SYTL2: variants seen among roughly 807,000 people sequenced by gnomAD.
The protein encoded by SYTL2 is synaptotagmin-like protein 2.
Under a neutral mutation model 198.7 loss-of-function variants are expected in SYTL2, and 165 were observed. That is an observed-to-expected ratio of 0.83 (90% CI 0.73 to 0.94). The LOEUF is 0.94. Among genes scored for constraint, SYTL2 ranks in the 40% least tolerant of loss-of-function variants. SYTL2 has a pLI of 0.00. For synonymous variants in SYTL2, 966 were observed against 917.7 expected (o/e 1.05, Z -0.95); for missense variants, 2,835 against 2,582.8 (o/e 1.10, Z -2.12).
At chr11:85,718,872 AC>A in intron 9 of SYTL2, 29 bp from the exon 10 acceptor site, 1 of 1,611,466 alleles carries the variant, frequency 6.2e-7, no homozygotes, top group African/African-American at 1.3e-5. Flanking sequence ...CAAATGGTTA[AC>A]ATGGCTGACC....
the SYTL2 span, among the ~76,000 whole-genome samples, chr11:85,826,699 G>T: frequency 1.3e-5 from 2 of 152,228 alleles, no homozygotes; most frequent in Admixed American, 1.3e-4. Context: ...TTTAGGAGAA[G>T]TTGCTACCCA....
the SYTL2 span, among the ~76,000 whole-genome samples, chr11:85,824,842 T>G: frequency 1.3e-5 from 2 of 152,154 alleles, no homozygotes; most frequent in African/African-American, 4.8e-5. Context: ...ACATTTATCC[T>G]GCGAAGACGA....
At chr11:85,715,923 A>G (rs776416656) in intron 11 of SYTL2, among the ~76,000 whole-genome samples, 3 of 152,210 alleles carry the variant, frequency 2.0e-5, no homozygotes, top group Non-Finnish European at 4.4e-5. Flanking sequence ...CTCAAATGTA[A>G]TCAATTTTAG....
chr11:85,853,325 C>G, the SYTL2 span: 1 of 444,260 alleles, frequency 2.3e-6, no homozygotes, highest in African/African-American at 2.1e-5. Context: ...AGGAAAGATT[C>G]TTCTGCCTTG....
intron 1 of SYTL2, among the ~76,000 whole-genome samples, chr11:85,770,969 T>C (rs2092343152): frequency 6.6e-6 from 1 of 152,256 alleles, no homozygotes; most frequent in South Asian, 2.1e-4. Context: ...GTTTCTCATC[T>C]GTAAAATGGG....
chr11:85,694,378 A>G lies in SYTL2; in HGVS notation c.*817T>C, dbSNP rs1424361084. The G allele has an allele frequency of 1.3e-5, 2 of 152,266 alleles. No homozygotes were observed. Among genetic ancestry groups the G allele is most frequent in the African/African-American group, 4.8e-5 (2 of 41,470 alleles). 9.4% of individuals were successfully genotyped at this position (152,266 alleles called of 1,614,324 possible). ...AGAACAGTATAACTGAGCAACTTAC[A>G]TTCTAATTAAAACTTTGTTGCAAAA... On this transcript the variant is annotated 3_prime_UTR_variant, in exon 20 of 20. Transcript: ENST00000359152.
the SYTL2 span, among the ~76,000 whole-genome samples, chr11:85,850,961 G>A: frequency 6.9e-5 from 10 of 145,700 alleles, no homozygotes; most frequent in Non-Finnish European, 7.5e-5. Context: ...TCACTCACAG[G>A]TGGGAACTGA....
chr11:85,719,682 A>G (rs916163031), intron 9 of SYTL2, among the ~76,000 whole-genome samples: 4 of 152,104 alleles, frequency 2.6e-5, no homozygotes, highest in Admixed American at 6.6e-5. Context: ...GGAGGTTAAA[A>G]TGGGTGATTT....
intron 1 of SYTL2, among the ~76,000 whole-genome samples, chr11:85,799,586 G>A (rs1385449477): frequency 6.6e-6 from 1 of 152,150 alleles, no homozygotes; most frequent in African/African-American, 2.4e-5. Context: ...CTACTTCACT[G>A]GCCTCAGCTC....
upstream of SYTL2, among the ~76,000 whole-genome samples, chr11:85,813,716 T>TTTCCTTCC (rs539849388): frequency 2.2e-3 from 240 of 107,262 alleles, 1 homozygote; most frequent in Non-Finnish European, 1.7e-3. Flanking sequence ...CCCTCCCTCC[T>TTTCCTTCC]TTCCTTCCTT....
chr11:85,716,445 C>T (rs2087246002), intron 11 of SYTL2: 2 of 152,134 alleles, frequency 1.3e-5, no homozygotes, highest in Admixed American at 1.3e-4. Flanking sequence ...GCAGGAGGAC[C>T]TCATAAGCAA....
intron 1 of SYTL2, among the ~76,000 whole-genome samples, chr11:85,787,323 T>A (rs1160232930): frequency 6.6e-6 from 1 of 152,218 alleles, no homozygotes; most frequent in Non-Finnish European, 1.5e-5. Flanking sequence ...AGATGATCAC[T>A]AAATGTTTTC....
rs1485450853 is a variant in SYTL2 at position 85,727,476 on chromosome 11, G to A, written c.1882C>T (p.Pro628Ser). 21 of 1,535,898 alleles carry A rather than the reference G, an allele frequency of 1.4e-5. No individual in the cohort carries two copies. The South Asian group carries it at 1.4e-4, about 10-fold the overall frequency. ...LSQKGTPKEG[P>S]GILQPFESYG... ...CTTTCAAATGGTTGCAATATACCTGGGCCTTCCTTTGGGGTGCCTTTTTGG... is the reference window on the plus strand; with the variant it reads ...CTTTCAAATGGTTGCAATATACCTGAGCCTTCCTTTGGGGTGCCTTTTTGG... The change falls in exon 8 of 20, where the codon CCA becomes TCA. Residue 628 changes from proline to serine, a missense_variant. Coordinates refer to ENST00000359152, the MANE Select transcript of SYTL2 (RefSeq NM_206927.4).
In SYTL2 at chr11:85,748,345, T is replaced by C. The variant is rs777239317; in HGVS notation, c.180A>G (p.Lys60=). Residue 60 remains lysine (K), a synonymous_variant, in exon 3 of 20, where the codon AAA becomes AAG. Coordinates refer to ENST00000359152, the MANE Select transcript of SYTL2 (RefSeq NM_206927.4). ...SGQWFYEAKA[K]RHRDKIHGAD... ...CGCCATGGATTTTGTCCCTGTGCCT[T>C]TTTGCCTTGGCTTCATAAAACCATT... 1.2e-6 allele frequency: 2 copies of C among 1,614,076 alleles called. No homozygotes were observed. The highest frequency in any genetic ancestry group is 1.7e-6 in the Non-Finnish European group (2 of 1,179,962).
chr11:85,748,781 T>C (rs2091328087), intron 2 of SYTL2, among the ~76,000 whole-genome samples: 1 of 152,220 alleles, frequency 6.6e-6, no homozygotes, highest in African/African-American at 2.4e-5. Flanking sequence ...TCCTTATCCG[T>C]AAAAAAGCAT....
chr11:85,700,323 T>TTC (rs1371389565), intron 17 of SYTL2, among the ~76,000 whole-genome samples, 192 bp downstream of exon 17: 1 of 13,160 alleles, frequency 7.6e-5, no homozygotes, highest in African/African-American at 4.9e-4. Context: ...TATGTTTTCT[T>TTC]TTTTTTTTTT....
intron 1 of SYTL2, among the ~76,000 whole-genome samples, chr11:85,772,765 T>C (rs1267122635): frequency 6.6e-6 from 1 of 152,200 alleles, no homozygotes; most frequent in Non-Finnish European, 1.5e-5. Flanking sequence ...AAAACCCTAA[T>C]GAGCAAATTT....
chr11:85,741,210 C>A (rs1002776021), intron 4 of SYTL2, among the ~76,000 whole-genome samples: 15 of 152,018 alleles, frequency 9.9e-5, no homozygotes, highest in Non-Finnish European at 2.1e-4. Context: ...ATCCCCAGCA[C>A]CCAGAACTGT....
rs765867720 is a variant in SYTL2, at chr11:85,726,049, A to C, written c.3309T>G (p.Phe1103Leu). Residue 1103 changes from phenylalanine (F) to leucine (L), a missense_variant, in exon 8 of 20, where the codon TTT (phenylalanine) becomes TTG (leucine). By Grantham distance (22) the Phe-to-Leu change is conservative. Coordinates refer to ENST00000359152, the MANE Select transcript of SYTL2 (RefSeq NM_206927.4). Reference protein sequence around the residue: ...KNTEGIVTPVFKEEKDYSEQE... With the variant: ...KNTEGIVTPVLKEEKDYSEQE... ...GTTCTGAGTAATCCTTTTCTTCCTT[A>C]AACACTGGAGTAACAATCCCTTCCG... 6 of 1,612,912 alleles carry C rather than the reference A, an allele frequency of 3.7e-6. No homozygotes were observed. In the Admixed American group the frequency reaches 1.0e-4, roughly 27 times the overall value.
Sources: allele counts gnomAD v4.1 joint callset (sites outside exome capture counted in the v4.1 genomes callset), GRCh38; gene constraint gnomAD v4.1.1; transcripts MANE v1.5; gene names NCBI Gene and HGNC (gene_info 2026-07-23, HGNC 2026-07-21).